CYP1B1: variants seen among roughly 807,000 people sequenced by gnomAD.
CYP1B1 encodes cytochrome P450 1B1.
In CYP1B1, 22 loss-of-function variants were observed where a neutral mutation model predicts 29.9. The observed-to-expected ratio is 0.74, with a 90% CI of 0.53 to 1.05. CYP1B1 has a LOEUF of 1.05. CYP1B1 is among the 50% of genes least tolerant of loss of function. The probability of loss-of-function intolerance (pLI) is 0.00; values close to 1 mark genes in which losing one functional copy is unlikely to be tolerated. For missense variants in CYP1B1, 883 were observed against 746.9 expected (o/e 1.18, Z -2.12); for synonymous variants, 375 against 320.0 (o/e 1.17, Z -1.83).
At position 38,075,044 on chromosome 2, in the gene CYP1B1, G is replaced by C. The variant is rs760811476; in HGVS notation, c.345C>G (p.Ala115=). ...QALVQQGSAF[A]DRPAFASFRV... is the part of the protein sequence containing the mutation. ...GGAAGGAGGCGAAGGCCGGCCGGTC[G>C]GCGAAGGCCGAGCCCTGCTGCACCA... is the stretch of plus-strand genomic sequence containing the variant. Residue 115 remains alanine (A), a synonymous_variant, in exon 2 of 3, where the codon GCC becomes GCG. Transcript: ENST00000610745. The C allele has an allele frequency of 1.3e-6, 2 of 1,587,584 alleles. No homozygotes were observed. Among genetic ancestry groups the C allele is most frequent in the Admixed American group, 3.4e-5 (2 of 58,892 alleles).
Position 38,074,346 on chromosome 2 carries a change from C to G in CYP1B1, c.1043G>C (p.Arg348Thr), listed in dbSNP as rs748925506. 7 of 1,613,006 alleles carry G rather than the reference C, an allele frequency of 4.3e-6. No homozygotes were observed. The highest frequency in any genetic ancestry group is 4.2e-6 in the Non-Finnish European group (5 of 1,179,924). ...GGCCCACGCCTCCCAGAGGCTTTACCTGGTGAAGAGGAGGAGCAGCCACTG... is the reference window on the plus strand; with the variant it reads ...GGCCCACGCCTCCCAGAGGCTTTACGTGGTGAAGAGGAGGAGCAGCCACTG... ...ALQWLLLLFT[R>T]YPDVQTRVQA... Residue 348 changes from arginine (R) to threonine (T), a missense_variant and splice_region_variant, in exon 2 of 3, where the codon AGG (arginine) becomes ACG (threonine). By Grantham distance (71) the Arg-to-Thr change is moderately conservative. Coordinates refer to ENST00000610745, the MANE Select transcript of CYP1B1 (RefSeq NM_000104.4).
rs1166503786 is a variant in CYP1B1, at chr2:38,074,499, A to G, written c.890T>C (p.Ile297Thr). Residue 297 changes from isoleucine to threonine, a missense_variant, in exon 2 of 3, where the codon ATC becomes ACC. Coordinates refer to ENST00000610745, the MANE Select transcript of CYP1B1 (RefSeq NM_000104.4). Reference sequence around the variant, plus strand: ...GGCCGCCTTCTTTTCCGCAGAGAGGATAAAGGCGTCCATCATGTCGCGGGG... The same window carrying G: ...GGCCGCCTTCTTTTCCGCAGAGAGGGTAAAGGCGTCCATCATGTCGCGGGG... ...AAPRDMMDAF[I>T]LSAEKKAAGD... The G allele has an allele frequency of 1.2e-6, 2 of 1,611,434 alleles. No homozygotes were observed. Among genetic ancestry groups the G allele is most frequent in the Non-Finnish European group, 8.5e-7 (1 of 1,179,146 alleles).
Position 38,075,065 on chromosome 2 carries a change from C to T in CYP1B1, c.324G>A (p.Val108=). Residue 108 remains valine, a synonymous_variant, in exon 2 of 3, where the codon GTG becomes GTA. Coordinates refer to ENST00000610745, the MANE Select transcript of CYP1B1 (RefSeq NM_000104.4). ...GGTCGGCGAAGGCCGAGCCCTGCTG[C>T]ACCAGGGCCTGGTGGATGGCGCGCT... The part of the protein sequence containing the change: ...NGERAIHQAL[V]QQGSAFADRP... The T allele has an allele frequency of 6.3e-7, 1 of 1,584,928 alleles. No individual in the cohort carries two copies. The highest frequency in any genetic ancestry group is 8.5e-7 in the Non-Finnish European group (1 of 1,173,434).
In CYP1B1 at chr2:38,070,706, G is replaced by T; in HGVS notation, c.*16C>A. On this transcript the variant is annotated 3_prime_UTR_variant, in exon 3 of 3. Transcript: ENST00000610745. ...AGATGTGAATATTTCTAAAATTTCA[G>T]CTTGCCTCTTGCTTCTTATTGGCAA... 6.2e-7 allele frequency: 1 copy of T among 1,607,428 alleles called. No individual in the cohort carries two copies. The highest frequency in any genetic ancestry group is 8.5e-7 in the Non-Finnish European group (1 of 1,173,864).
At position 38,074,982 on chromosome 2, in the gene CYP1B1, T is replaced by A; in HGVS notation, c.407A>T (p.His136Leu). The A allele has an allele frequency of 6.3e-7, 1 of 1,587,416 alleles. No homozygotes were observed. Among genetic ancestry groups the A allele is most frequent in the Non-Finnish European group, 8.5e-7 (1 of 1,174,818 alleles). ...VSGGRSMAFG[H>L]YSEHWKVQRR... is the part of the protein sequence containing the mutation. ...CTGCACCTTCCAGTGCTCCGAGTAG[T>A]GGCCGAAAGCCATGCTGCGGCCGCC... Residue 136 changes from histidine to leucine, a missense_variant, in exon 2 of 3, where the codon CAC becomes CTC. Physicochemically the swap from His to Leu is moderately conservative, Grantham distance 99. Coordinates refer to ENST00000610745, the MANE Select transcript of CYP1B1 (RefSeq NM_000104.4).
At position 38,070,534 on chromosome 2, in the gene CYP1B1, T is replaced by A. The variant is rs557975981; in HGVS notation, c.*188A>T. On this transcript the variant is annotated 3_prime_UTR_variant, in exon 3 of 3. Transcript: ENST00000610745. The stretch of plus-strand genomic sequence containing the variant: ...CTCAAAAAAATCTCCCAGAAGCTCC[T>A]GCATAGCCCACTACTCATGAAGAAC... The A allele has an allele frequency of 3.3e-6, 2 of 612,282 alleles. No individual in the cohort carries two copies. Among genetic ancestry groups the A allele is most frequent in the African/African-American group, 3.7e-5 (2 of 54,158 alleles). 37.9% of individuals were successfully genotyped at this position (612,282 alleles called of 1,614,324 possible).
rs1051636104 is a variant in CYP1B1, at chr2:38,067,558, A to C, written c.*3164T>G. Reference sequence around the variant, plus strand: ...ATAATCCATAGTAATAGTTGAAATAAAGTGATACATTAGACTATATTTGCT... The same window carrying C: ...ATAATCCATAGTAATAGTTGAAATACAGTGATACATTAGACTATATTTGCT... On this transcript the variant is annotated 3_prime_UTR_variant, in exon 3 of 3. Coordinates refer to ENST00000610745, the MANE Select transcript of CYP1B1 (RefSeq NM_000104.4). The C allele has an allele frequency of 5.9e-6, 1 of 169,386 alleles. No individual in the cohort carries two copies. Among genetic ancestry groups the C allele is most frequent in the African/African-American group, 2.4e-5 (1 of 42,024 alleles). The allele number at this position is 169,386 out of a possible 1,614,324, so 10.5% of individuals were successfully genotyped here.
chr2:38,070,780 G>A lies in CYP1B1; in HGVS notation c.1574C>T (p.Ser525Phe). The A allele has an allele frequency of 9.9e-6, 16 of 1,614,214 alleles. No individual in the cohort carries two copies. Among genetic ancestry groups the A allele is most frequent in the Non-Finnish European group, 1.3e-5 (15 of 1,180,036 alleles). ...SFKVNVTLRE[S>F]MELLDSAVQN... ...GACAGCACTATCAAGGAGCTCCATGGACTCTCTGAGAGTGACATTGACTTT... is the reference window on the plus strand; with the variant it reads ...GACAGCACTATCAAGGAGCTCCATGAACTCTCTGAGAGTGACATTGACTTT... Residue 525 changes from serine to phenylalanine, a missense_variant, in exon 3 of 3, where the codon TCC becomes TTC. Ser to Phe is a radical substitution (Grantham distance 155). Transcript: ENST00000610745.
Position 38,074,354 on chromosome 2 carries a change from G to C in CYP1B1, c.1035C>G (p.Leu345=). Residue 345 remains leucine (L), a synonymous_variant, in exon 2 of 3, where the codon CTC becomes CTG. Transcript: ENST00000610745. ...LSTALQWLLL[L]FTRYPDVQTR... ...CCTCCCAGAGGCTTTACCTGGTGAA[G>C]AGGAGGAGCAGCCACTGCAGCGCGG... is the stretch of plus-strand genomic sequence containing the variant. 1 of 1,613,330 alleles carries C rather than the reference G, an allele frequency of 6.2e-7. No individual in the cohort carries two copies. The highest frequency in any genetic ancestry group is 8.5e-7 in the Non-Finnish European group (1 of 1,179,946).
Position 38,067,996 on chromosome 2 carries a change from G to A in CYP1B1, c.*2726C>T, listed in dbSNP as rs1682344862. 1 of 198,378 alleles carries A rather than the reference G, an allele frequency of 5.0e-6. No homozygotes were observed. Among genetic ancestry groups the A allele is most frequent in the Non-Finnish European group, 1.0e-5 (1 of 95,684 alleles). 12.3% of individuals were successfully genotyped at this position (198,378 alleles called of 1,614,324 possible). A position where few individuals can be genotyped will look rare whatever the true frequency, so the allele number is the denominator to read the frequency against. On this transcript the variant is annotated 3_prime_UTR_variant, in exon 3 of 3. Coordinates refer to ENST00000610745, the MANE Select transcript of CYP1B1 (RefSeq NM_000104.4). ...CTTCACAGGTAAAGGCTAAGTTCTG[G>A]GACATGAAAGCTTTTAGAAAATTCA...
In CYP1B1 at chr2:38,075,157, C is replaced by G; in HGVS notation, c.232G>C (p.Ala78Pro). 6.4e-7 allele frequency: 1 copy of G among 1,572,738 alleles called. No individual in the cohort carries two copies. The highest frequency in any genetic ancestry group is 2.3e-5 in the East Asian group (1 of 43,578). Residue 78 changes from alanine to proline, a missense_variant, in exon 2 of 3, where the codon GCG (alanine) becomes CCG (proline). By Grantham distance (27) the Ala-to-Pro change is conservative. Transcript: ENST00000610745. ...QAAHLSFARL[A>P]RRYGDVFQIR... ...TGGAAAACGTCGCCGTAGCGCCGCG[C>G]CAGGCGAGCGAACGAGAGGTGAGCC...
rs1682485886 is a variant in CYP1B1, at chr2:38,074,380, T to G, written c.1009A>C (p.Thr337Pro). Residue 337 changes from threonine to proline, a missense_variant, in exon 2 of 3, where the codon ACC becomes CCC. By Grantham distance (38) the Thr-to-Pro change is conservative (BLOSUM62 -1). Coordinates refer to ENST00000610745, the MANE Select transcript of CYP1B1 (RefSeq NM_000104.4). ...IFGASQDTLSTALQWLLLLFT... is the reference protein window; with the variant it reads ...IFGASQDTLSPALQWLLLLFT... ...AGGAGGAGCAGCCACTGCAGCGCGGTGGACAGGGTGTCCTGGCTGGCGCCG... is the reference window on the plus strand; with the variant it reads ...AGGAGGAGCAGCCACTGCAGCGCGGGGGACAGGGTGTCCTGGCTGGCGCCG... 1.9e-6 allele frequency: 3 copies of G among 1,613,486 alleles called. No individual in the cohort carries two copies. Among genetic ancestry groups the G allele is most frequent in the South Asian group, 1.1e-5 (1 of 91,032 alleles).
Position 38,070,829 on chromosome 2 carries a change from G to C in CYP1B1, c.1525C>G (p.Leu509Val). The change falls in exon 3 of 3, where the codon CTA becomes GTA. Residue 509 changes from leucine (L) to valine (V), a missense_variant. Leu to Val is a conservative substitution (Grantham distance 32, BLOSUM62 1). Coordinates refer to ENST00000610745, the MANE Select transcript of CYP1B1 (RefSeq NM_000104.4). ...EPAKMNFSYG[L>V]TIKPKSFKVN... ...TTAAATGACTTGGGTTTAATGGTTA[G>C]ACCATAACTGAAATTCATTTTCGCA... 1 of 1,614,186 alleles carries C rather than the reference G, an allele frequency of 6.2e-7. No individual in the cohort carries two copies. Among genetic ancestry groups the C allele is most frequent in the Non-Finnish European group, 8.5e-7 (1 of 1,180,030 alleles).
At chr2:38,075,473 G>GT in intron 1 of CYP1B1, 84 bp from the exon 2 acceptor site, 1 of 1,406,612 alleles carries the variant, frequency 7.1e-7, no homozygotes, top group South Asian at 1.2e-5. Context: ...AGCCTCTGGG[G>GT]ACTGAGTGCC....
chr2:38,074,495 G>A lies in CYP1B1; in HGVS notation c.894C>T (p.Leu298=). The change falls in exon 2 of 3, where the codon CTC becomes CTT. Residue 298 remains leucine, a synonymous_variant. Transcript: ENST00000610745. ...CCCCGGCCGCCTTCTTTTCCGCAGAGAGGATAAAGGCGTCCATCATGTCGC... is the reference window on the plus strand; with the variant it reads ...CCCCGGCCGCCTTCTTTTCCGCAGAAAGGATAAAGGCGTCCATCATGTCGC... ...APRDMMDAFI[L]SAEKKAAGDS... 6.2e-7 allele frequency: 1 copy of A among 1,611,724 alleles called. No homozygotes were observed. Among genetic ancestry groups the A allele is most frequent in the Non-Finnish European group, 8.5e-7 (1 of 1,179,238 alleles).
intron 2 of CYP1B1, 99 bp downstream of exon 2, chr2:38,074,247 C>G: frequency 5.1e-6 from 7 of 1,383,532 alleles, no homozygotes; most frequent in South Asian, 1.2e-5. Flanking sequence ...GAGCGAAACC[C>G]CAAACCCGGG....
In CYP1B1 at chr2:38,074,726, G is replaced by A. The variant is rs774032599; in HGVS notation, c.663C>T (p.Phe221=). 12 of 1,609,366 alleles carry A rather than the reference G, an allele frequency of 7.5e-6. No homozygotes were observed. Among genetic ancestry groups the A allele is most frequent in the Non-Finnish European group, 1.0e-5 (12 of 1,178,714 alleles). ...CTTCGTTGTGGCTGAGCAGCTCACG[G>A]AACTCGGGGTCGTCGTGGCTGTAGC... The part of the protein sequence containing the change: ...GCRYSHDDPE[F]RELLSHNEEF... Residue 221 remains phenylalanine (F), a synonymous_variant, in exon 2 of 3, where the codon TTC becomes TTT. Coordinates refer to ENST00000610745, the MANE Select transcript of CYP1B1 (RefSeq NM_000104.4).
chr2:38,074,526 G>T lies in CYP1B1; in HGVS notation c.863C>A (p.Ala288Asp). 6.2e-7 allele frequency: 1 copy of T among 1,607,782 alleles called. No homozygotes were observed. The highest frequency in any genetic ancestry group is 8.5e-7 in the Non-Finnish European group (1 of 1,177,384). ...AAAGGCGTCCATCATGTCGCGGGGG[G>T]CGGCCCCGGGCCGAAGGCTTTCGCA... Reference protein sequence around the residue: ...RHCESLRPGAAPRDMMDAFIL... With the variant: ...RHCESLRPGADPRDMMDAFIL... Residue 288 changes from alanine (A) to aspartate (D), a missense_variant, in exon 2 of 3, where the codon GCC (alanine) becomes GAC (aspartate). Coordinates refer to ENST00000610745, the MANE Select transcript of CYP1B1 (RefSeq NM_000104.4).
Position 38,074,691 on chromosome 2 carries a change from C to A in CYP1B1, c.698G>T (p.Arg233Leu), listed in dbSNP as rs1296663368. ...CACCAGGCTGCCCGCGCCCACCGTG[C>A]GCCCGAACTCTTCGTTGTGGCTGAG... ...ELLSHNEEFG[R>L]TVGAGSLVDV... is the part of the protein sequence containing the mutation. Residue 233 changes from arginine (R) to leucine (L), a missense_variant, in exon 2 of 3, where the codon CGC (arginine) becomes CTC (leucine). By Grantham distance (102) the Arg-to-Leu change is moderately radical. Coordinates refer to ENST00000610745, the MANE Select transcript of CYP1B1 (RefSeq NM_000104.4). 1 of 1,612,616 alleles carries A rather than the reference C, an allele frequency of 6.2e-7. No homozygotes were observed. Among genetic ancestry groups the A allele is most frequent in the Non-Finnish European group, 8.5e-7 (1 of 1,179,926 alleles).
Sources: gnomAD v4.1 joint callset for allele counts on GRCh38, gnomAD v4.1.1 for gene constraint, MANE v1.5 for transcripts, NCBI Gene and HGNC (gene_info 2026-07-23, HGNC 2026-07-21) for gene names.